Variants in LAMA3 observed in about 807,000 individuals in gnomAD.
LAMA3 encodes laminin subunit alpha 3, also known as laminin subunit alpha-3.
Under a neutral mutation model 402.0 loss-of-function variants are expected in LAMA3, and 281 were observed. The observed-to-expected ratio is 0.70, with a 90% CI of 0.63 to 0.77. The LOEUF is 0.77. Among genes scored for constraint, LAMA3 ranks in the 30% least tolerant of loss-of-function variants. LAMA3 has a pLI of 0.00. For synonymous variants in LAMA3, 1,431 were observed against 1,558.4 expected, an observed-to-expected ratio of 0.92 and a Z score of 1.93; for missense variants, 3,840 against 4,215.5, an observed-to-expected ratio of 0.91 and a Z score of 2.47.
rs746718701 is a variant in LAMA3 at position 23,910,756 on chromosome 18, G to A, written c.7158+1461G>A. Among the ~76,000 whole-genome samples, 7 of 152,304 alleles carry A rather than the reference G, an allele frequency of 4.6e-5. No homozygotes were observed. In the East Asian group the frequency reaches 1.3e-3, roughly 29 times the overall value. On this transcript the variant is annotated intron_variant, in intron 55 of 74. Transcript: ENST00000313654. ...CAATAGCAAACCTGAATGAGCTGGA[G>A]CTGTGTGTATCAACATGAATAAATC...
chr18:23,770,632 G>A (rs574369452), intron 8 of LAMA3, among the ~76,000 whole-genome samples: 3 of 152,142 alleles, frequency 2.0e-5, no homozygotes, highest in Admixed American at 6.5e-5. Context: ...ATGGTGGCGG[G>A]CGCCTGTAGT....
chr18:23,690,663 T>C (rs1368169090), intron 1 of LAMA3, among the ~76,000 whole-genome samples: 1 of 151,840 alleles, frequency 6.6e-6, no homozygotes, highest in Non-Finnish European at 1.5e-5. Flanking sequence ...CAGGCAAGAG[T>C]GCAGTGGTGC....
Position 23,912,712 on chromosome 18 carries a change from T to C in LAMA3, c.7160T>C (p.Val2387Ala). Reference sequence around the variant, plus strand: ...CACCATGTAACTTACTCCTCACAGGTTGCTGTCCCCATGAGGTTCAATGGT... The same window carrying C: ...CACCATGTAACTTACTCCTCACAGGCTGCTGTCCCCATGAGGTTCAATGGT... ...IQQARDAASKVAVPMRFNGKS... is the reference protein window; with the variant it reads ...IQQARDAASKAAVPMRFNGKS... The change falls in exon 56 of 75, where the codon GTT (valine) becomes GCT (alanine). Residue 2387 changes from valine (V) to alanine (A), a missense_variant and splice_region_variant. Physicochemically the swap from Val to Ala is moderately conservative, Grantham distance 64 (BLOSUM62 0). Coordinates refer to ENST00000313654, the MANE Select transcript of LAMA3 (RefSeq NM_198129.4). 6.2e-7 allele frequency: 1 copy of C among 1,613,570 alleles called. No individual in the cohort carries two copies. The highest frequency in any genetic ancestry group is 1.1e-5 in the South Asian group (1 of 91,072).
intron 12 of LAMA3, among the ~76,000 whole-genome samples, chr18:23,804,178 C>T (rs1438463542): frequency 2.6e-5 from 4 of 152,278 alleles, no homozygotes; most frequent in Non-Finnish European, 4.4e-5. Context: ...TATATGTAGA[C>T]GGTGGCAGGA....
At chr18:23,868,554 G>C (rs2064424437) in intron 37 of LAMA3, among the ~76,000 whole-genome samples, 1 of 152,164 alleles carries the variant, frequency 6.6e-6, no homozygotes, top group Admixed American at 6.5e-5. Flanking sequence ...CGAAGCTGCA[G>C]TGAGCCATGG....
rs1424874531 is a variant in LAMA3 at position 23,775,814 on chromosome 18, T to G, written c.1296T>G (p.His432Gln). The change falls in exon 10 of 75, where the codon CAT becomes CAG. Residue 432 changes from histidine to glutamine, a missense_variant. Coordinates refer to ENST00000313654, the MANE Select transcript of LAMA3 (RefSeq NM_198129.4). ...TAGCCTGCAGCTGTGACCCTGAGCA[T>G]GCGGATGGCTGTGAACAGGGTTCAG... ...GCIPCSCDPE[H>Q]ADGCEQGSGR... 3 of 1,613,906 alleles carry G rather than the reference T, an allele frequency of 1.9e-6. No homozygotes were observed. Among genetic ancestry groups the G allele is most frequent in the Non-Finnish European group, 1.7e-6 (2 of 1,179,892 alleles).
rs2080981016 is a variant in LAMA3, at chr18:23,899,172, A to G, written c.5836+107A>G. On this transcript the variant is annotated intron_variant, in intron 46 of 74. Coordinates refer to ENST00000313654, the MANE Select transcript of LAMA3 (RefSeq NM_198129.4). ...TTCAACATTATGAAAAGAATCCCAT[A>G]GTGATACTAAAAAACTAATATAAAA... The G allele has an allele frequency of 6.3e-6, 8 of 1,268,726 alleles. No homozygotes were observed. The South Asian group carries it at 1.0e-4, about 16-fold the overall frequency. The allele number at this position is 1,268,726 out of a possible 1,614,324, so 78.6% of individuals were successfully genotyped here. A position where few individuals can be genotyped will look rare whatever the true frequency, so the allele number is the denominator to read the frequency against.
At chr18:23,936,841 G>A (rs564997979) in intron 67 of LAMA3, among the ~76,000 whole-genome samples, 1 of 152,356 alleles carries the variant, frequency 6.6e-6, no homozygotes, top group Admixed American at 6.5e-5. Flanking sequence ...AAGGAGACTA[G>A]AGAGAGGTAA....
At chr18:23,725,020 T>C (rs2061273520) in intron 2 of LAMA3, among the ~76,000 whole-genome samples, 1 of 152,214 alleles carries the variant, frequency 6.6e-6, no homozygotes, top group Non-Finnish European at 1.5e-5. Flanking sequence ...TCTCTCTTTT[T>C]CACTTTTTAC....
At chr18:23,899,884 A>G (rs1404429922) in intron 47 of LAMA3, among the ~76,000 whole-genome samples, 1 of 152,136 alleles carries the variant, frequency 6.6e-6, no homozygotes, top group Non-Finnish European at 1.5e-5. Flanking sequence ...GACGTGTTTC[A>G]GATTTTTGAT....
rs2063366074 is a variant in LAMA3 at position 23,825,571 on chromosome 18, T to C, written c.2571+1006T>C. ...CTTACAAGGATAACATGAGGGATTG[T>C]TCTTTCCATTCAAGACAACAAAGGA... On this transcript the variant is annotated intron_variant, in intron 21 of 74. Transcript: ENST00000313654. Among the ~76,000 whole-genome samples, 4 of 152,148 alleles carry C rather than the reference T, an allele frequency of 2.6e-5. No homozygotes were observed. The South Asian group carries it at 8.3e-4, about 32-fold the overall frequency.
chr18:23,875,443 C>T (rs1430918424), intron 38 of LAMA3, among the ~76,000 whole-genome samples: 1 of 152,010 alleles, frequency 6.6e-6, no homozygotes, highest in Non-Finnish European at 1.5e-5. Context: ...CAAGATTGAA[C>T]AAGGAAACAA....
chr18:23,812,163 A>T (rs140987865), intron 13 of LAMA3, among the ~76,000 whole-genome samples: 9 of 151,932 alleles, frequency 5.9e-5, no homozygotes, highest in South Asian at 4.2e-4. Context: ...GTGAGCCACC[A>T]CTCCCAGCCT....
intron 6 of LAMA3, among the ~76,000 whole-genome samples, chr18:23,756,464 CA>C (rs1221263162): frequency 8.9e-5 from 13 of 146,058 alleles, no homozygotes; most frequent in South Asian, 4.5e-4. Flanking sequence ...ACCCCCCCGC[CA>C]AAAAAAACCC....
intron 7 of LAMA3, 73 bp from the exon 8 acceptor site, chr18:23,763,332 A>G (rs1357986863): frequency 2.0e-6 from 2 of 986,304 alleles, no homozygotes; most frequent in East Asian, 4.8e-5. Context: ...ATTAGCAGTA[A>G]TACTATTTAC....
intron 2 of LAMA3, among the ~76,000 whole-genome samples, chr18:23,737,976 G>A (rs955126332): frequency 2.0e-5 from 3 of 152,184 alleles, no homozygotes; most frequent in Non-Finnish European, 2.9e-5. Context: ...TTTGGGTCAC[G>A]CTGAGCTGGG....
intron 8 of LAMA3, among the ~76,000 whole-genome samples, chr18:23,765,402 AACTT>A (rs905690731): frequency 3.9e-5 from 6 of 152,342 alleles, no homozygotes; most frequent in Admixed American, 6.5e-5. Context: ...AGACTGAAAT[AACTT>A]ACTTGACATT....
intron 32 of LAMA3, among the ~76,000 whole-genome samples, chr18:23,850,668 A>AT (rs894874483): frequency 2.0e-5 from 3 of 152,154 alleles, no homozygotes; most frequent in Non-Finnish European, 2.9e-5. Context: ...TCAAAACTTC[A>AT]TTTTTTTTAG....
rs749589779 is a variant in LAMA3 at position 23,904,010 on chromosome 18, T to C, written c.6396T>C (p.Ser2132=). ...ACAAAGTAAGAGAACTTTCCAGATC[T>C]GCTGGCAAAACATCCCTTGTGGAGG... ...LSDKVRELSR[S]AGKTSLVEEA... is the part of the protein sequence containing the mutation. Residue 2132 remains serine, a synonymous_variant, in exon 50 of 75, where the codon TCT becomes TCC. Transcript: ENST00000313654. 1 of 1,614,178 alleles carries C rather than the reference T, an allele frequency of 6.2e-7. No individual in the cohort carries two copies. Among genetic ancestry groups the C allele is most frequent in the Non-Finnish European group, 8.5e-7 (1 of 1,180,030 alleles).
Sources: gnomAD v4.1 joint callset for allele counts (sites outside exome capture counted in the v4.1 genomes callset) on GRCh38, gnomAD v4.1.1 for gene constraint, MANE v1.5 for transcripts, NCBI Gene and HGNC (gene_info 2026-07-23, HGNC 2026-07-21) for gene names.